The following CDH12 variants were observed in gnomAD, a reference collection of about 807,000 sequenced individuals.
The protein encoded by CDH12 is cadherin-12.
CDH12 carries 41 observed loss-of-function variants against 74.1 expected under a neutral mutation model. The observed-to-expected ratio is 0.55, with a 90% CI of 0.43 to 0.72. The LOEUF (loss-of-function observed/expected upper bound fraction) is 0.72, where lower values mean the gene tolerates loss of function less well. Among genes scored for constraint, CDH12 ranks in the 30% least tolerant of loss-of-function variants. CDH12 has a pLI of 0.00. For synonymous variants in CDH12, 399 were observed against 355.0 expected, an observed-to-expected ratio of 1.12 and a Z score of -1.39; for missense variants, 945 against 977.2, an observed-to-expected ratio of 0.97 and a Z score of 0.44.
chr5:22,189,059 C>A (rs538675324), intron 4 of CDH12, among the ~76,000 whole-genome samples: 26 of 152,028 alleles, frequency 1.7e-4, no homozygotes, highest in Admixed American at 1.5e-3. Context: ...TCTGTGAAAC[C>A]AATGTGAAAA....
chr5:22,545,555 A>G (rs1304745632), intron 1 of CDH12, among the ~76,000 whole-genome samples: 2 of 152,178 alleles, frequency 1.3e-5, no homozygotes, highest in Non-Finnish European at 2.9e-5. Context: ...AAATAAGGAT[A>G]CCAGCATTTC....
At chr5:21,779,244 C>CT (rs994112283) in intron 11 of CDH12, 8 of 150,664 alleles carry the variant, frequency 5.3e-5, no homozygotes, top group Non-Finnish European at 7.4e-5. Flanking sequence ...TTTTGTTTTT[C>CT]TTTTTTGAGA....
intron 4 of CDH12, among the ~76,000 whole-genome samples, chr5:22,184,599 G>A (rs1270200071): frequency 6.6e-6 from 1 of 152,180 alleles, no homozygotes; most frequent in East Asian, 1.9e-4. Flanking sequence ...AATGAACACA[G>A]CAAATGCTGA....
intron 1 of CDH12, among the ~76,000 whole-genome samples, chr5:22,598,572 T>C (rs1736708237): frequency 6.6e-6 from 1 of 152,160 alleles, no homozygotes; most frequent in Non-Finnish European, 1.5e-5. Flanking sequence ...TATTTCTTCA[T>C]AGCAGCATGA....
intron 4 of CDH12, among the ~76,000 whole-genome samples, chr5:22,097,275 T>C (rs936833666): frequency 6.6e-6 from 1 of 152,192 alleles, no homozygotes; most frequent in African/African-American, 2.4e-5. Flanking sequence ...CAAGGCTCTC[T>C]GACTGACTCC....
At chr5:22,173,285 T>C (rs1386773184) in intron 4 of CDH12, among the ~76,000 whole-genome samples, 3 of 146,718 alleles carry the variant, frequency 2.0e-5, no homozygotes, top group African/African-American at 7.4e-5. Flanking sequence ...ATTATATAAT[T>C]TATGTAATTA....
chr5:22,608,689 G>T (rs999632632), intron 1 of CDH12, among the ~76,000 whole-genome samples: 1 of 152,176 alleles, frequency 6.6e-6, no homozygotes, highest in Non-Finnish European at 1.5e-5. Flanking sequence ...ATGGGTGGGA[G>T]CATGTGGAGA....
chr5:22,702,662 T>C (rs1742777834), intron 1 of CDH12, among the ~76,000 whole-genome samples: 1 of 152,044 alleles, frequency 6.6e-6, no homozygotes, highest in South Asian at 2.1e-4. Context: ...CTCGGTCATG[T>C]CTTCCCATCT....
At chr5:22,364,352 A>T (rs16894561) in intron 3 of CDH12, among the ~76,000 whole-genome samples, 29,913 of 152,148 alleles carry the variant, frequency 0.2, 3,794 homozygotes, top group Admixed American at 0.35. Context: ...AATGTTAACT[A>T]AAAAGATGCC....
At chr5:22,800,149 G>T (rs112204368) in intron 1 of CDH12, among the ~76,000 whole-genome samples, 47 of 152,260 alleles carry the variant, frequency 3.1e-4, no homozygotes, top group African/African-American at 1.1e-3. Flanking sequence ...GACATGTTTT[G>T]TAAACTGACA....
intron 2 of CDH12, among the ~76,000 whole-genome samples, chr5:22,463,615 T>C (rs1745606872): frequency 6.6e-6 from 1 of 152,090 alleles, no homozygotes; most frequent in South Asian, 2.1e-4. Flanking sequence ...GTCGGAAATG[T>C]AGGAAGGTTG....
chr5:21,807,248 C>A (rs1379847354), intron 9 of CDH12, among the ~76,000 whole-genome samples: 1 of 152,096 alleles, frequency 6.6e-6, no homozygotes, highest in Admixed American at 6.6e-5. Context: ...ATGACATCCC[C>A]AACGAATCAG....
chr5:22,514,550 A>G (rs1045531595), intron 1 of CDH12, among the ~76,000 whole-genome samples: 1 of 152,172 alleles, frequency 6.6e-6, no homozygotes, highest in African/African-American at 2.4e-5. Context: ...GAAAACAAGT[A>G]AAGTTTATTG....
At chr5:22,075,166 T>C (rs1261192104) in intron 5 of CDH12, among the ~76,000 whole-genome samples, 2 of 151,726 alleles carry the variant, frequency 1.3e-5, no homozygotes, top group Admixed American at 1.3e-4. Context: ...TGTAGGGACA[T>C]GGATGAAGCT....
At chr5:22,747,324 C>A (rs1745340765) in intron 1 of CDH12, among the ~76,000 whole-genome samples, 1 of 151,760 alleles carries the variant, frequency 6.6e-6, no homozygotes, top group Admixed American at 6.6e-5. Context: ...TATGTTTCCC[C>A]ATTTATAAAC....
chr5:22,454,382 G>C (rs1007517424), intron 2 of CDH12, among the ~76,000 whole-genome samples: 4 of 152,190 alleles, frequency 2.6e-5, no homozygotes, highest in Admixed American at 2.0e-4. Flanking sequence ...TACACAAAGA[G>C]AAGAAACAGT....
chr5:22,026,574 C>A (rs116235388), intron 5 of CDH12, among the ~76,000 whole-genome samples: 2 of 152,078 alleles, frequency 1.3e-5, no homozygotes, highest in African/African-American at 4.8e-5. Context: ...AAACTCTTCC[C>A]CTTATTATAG....
intron 4 of CDH12, among the ~76,000 whole-genome samples, chr5:22,126,614 T>C (rs1436256950): frequency 1.3e-5 from 2 of 152,246 alleles, no homozygotes; most frequent in Non-Finnish European, 2.9e-5. Context: ...CCATTTCTTG[T>C]TCTATTCTAT....
At chr5:21,912,875 C>A (rs1753922990) in intron 6 of CDH12, among the ~76,000 whole-genome samples, 1 of 152,124 alleles carries the variant, frequency 6.6e-6, no homozygotes, top group Non-Finnish European at 1.5e-5. Flanking sequence ...CAGAGTCTCA[C>A]TCTGTCACCC....
Sources: gnomAD v4.1 joint callset for allele counts (sites outside exome capture counted in the v4.1 genomes callset) on GRCh38, gnomAD v4.1.1 for gene constraint, MANE v1.5 for transcripts, NCBI Gene and HGNC (gene_info 2026-07-23, HGNC 2026-07-21) for gene names.